EFHC2: variants seen among roughly 807,000 people sequenced by gnomAD.
The protein encoded by EFHC2 is EF-hand domain-containing family member C2.
In EFHC2, 18 loss-of-function variants were observed where a neutral mutation model predicts 52.7. The observed-to-expected ratio is 0.34, with a 90% CI of 0.24 to 0.51. The LOEUF is 0.51. EFHC2 is among the 20% of genes least tolerant of loss of function. The probability of loss-of-function intolerance (pLI) is 0.97; values close to 1 mark genes in which losing one functional copy is unlikely to be tolerated. For missense variants in EFHC2, 513 were observed against 562.5 expected (o/e 0.91, Z 0.89); for synonymous variants, 203 against 204.1 (o/e 0.99, Z 0.04).
intron 1 of EFHC2, among the ~76,000 whole-genome samples, chrX:44,321,214 C>G (rs762144991): frequency 9.0e-6 from 1 of 111,100 alleles, no homozygotes; most frequent in Non-Finnish European, 1.9e-5. Context: ...GCCTGAACAA[C>G]GAGAAGAATG....
intron 1 of EFHC2, among the ~76,000 whole-genome samples, chrX:44,328,668 G>C (rs1340586211): frequency 8.9e-6 from 1 of 111,974 alleles, no homozygotes; most frequent in Non-Finnish European, 1.9e-5. Context: ...ATTGATTGCA[G>C]AAAGTTTGCA....
intron 14 of EFHC2, among the ~76,000 whole-genome samples, chrX:44,163,707 A>G (rs922706537): frequency 8.9e-6 from 1 of 112,252 alleles, no homozygotes; most frequent in African/African-American, 3.2e-5. Flanking sequence ...AAAAAAATTC[A>G]GCTGCATAAG....
intron 2 of EFHC2, among the ~76,000 whole-genome samples, chrX:44,301,325 C>A (rs1158689568): frequency 7.3e-5 from 8 of 108,957 alleles, no homozygotes; most frequent in African/African-American, 2.3e-4. Flanking sequence ...CAACCCACTC[C>A]CCCCCCGACC....
chrX:44,148,794 GT>G lies in EFHC2; in HGVS notation c.2250del (p.Ter750TyrfsTer37). The stretch of plus-strand genomic sequence containing the variant: ...TAGAGAATTGACCAAAACTGGCATG[GT>G]TATTCCTCCTCTAAGCCAAACGCGT... ...LKDAFGLEEE[*>X] On this transcript the variant is annotated frameshift_variant and stop_lost, in exon 15 of 15. Transcript: ENST00000420999. LOFTEE classifies it high-confidence loss of function. The G allele has an allele frequency of 8.5e-7, 1 of 1,174,331 alleles. No homozygotes were observed. Among genetic ancestry groups the G allele is most frequent in the Admixed American group, 2.5e-5 (1 of 40,430 alleles).
intron 1 of EFHC2, among the ~76,000 whole-genome samples, chrX:44,319,405 G>T (rs945452086): frequency 9.0e-6 from 1 of 111,450 alleles, no homozygotes; most frequent in Non-Finnish European, 1.9e-5. Context: ...CAACCCTTGC[G>T]CTGTCTCTGC....
At chrX:44,280,646 T>G (rs1381875422) in intron 2 of EFHC2, among the ~76,000 whole-genome samples, 1 of 112,197 alleles carries the variant, frequency 8.9e-6, no homozygotes, top group Non-Finnish European at 1.9e-5. Flanking sequence ...AAGATTTCAG[T>G]ACAACCATAC....
intron 2 of EFHC2, among the ~76,000 whole-genome samples, chrX:44,291,581 A>C (rs1022606284): frequency 3.6e-5 from 4 of 112,158 alleles, no homozygotes; most frequent in Non-Finnish European, 7.5e-5. Flanking sequence ...ATGAAAATGG[A>C]AAGGGAAGTG....
intron 14 of EFHC2, among the ~76,000 whole-genome samples, chrX:44,154,642 T>G (rs1289834968): frequency 9.1e-6 from 1 of 110,117 alleles, no homozygotes; most frequent in Non-Finnish European, 1.9e-5. Context: ...GTTTCAAGGC[T>G]GCAGTGAGCC....
At chrX:44,292,041 A>T (rs897258382) in intron 2 of EFHC2, among the ~76,000 whole-genome samples, 2 of 111,954 alleles carry the variant, frequency 1.8e-5, no homozygotes, top group Non-Finnish European at 3.8e-5. Flanking sequence ...CACATTGCTA[A>T]TCATGGAGTT....
rs1004673776 is a variant in EFHC2 at position 44,328,931 on chromosome X, T to C, written c.42+14616A>G. On this transcript the variant is annotated intron_variant, in intron 1 of 14. Transcript: ENST00000420999. ...TAAAGGGGCTCTTGAGCCCCTATGC[T>C]CCGCCCGCTCCCGGACTGTGGAGTG... 3.6e-5 allele frequency among the ~76,000 whole-genome samples: 4 copies of C among 111,609 alleles called. No homozygotes were observed. In the Admixed American group the frequency reaches 3.8e-4, roughly 11 times the overall value.
intron 8 of EFHC2, among the ~76,000 whole-genome samples, chrX:44,236,280 C>T (rs2037319664): frequency 8.9e-6 from 1 of 111,858 alleles, no homozygotes; most frequent in South Asian, 3.7e-4. Flanking sequence ...AAGCTGATTG[C>T]CTGGTCACTG....
intron 2 of EFHC2, among the ~76,000 whole-genome samples, chrX:44,293,477 G>A (rs1193402448): frequency 9.0e-6 from 1 of 110,571 alleles, no homozygotes; most frequent in African/African-American, 3.3e-5. Context: ...AGCTATTATA[G>A]GTTGGTGCAA....
intron 1 of EFHC2, among the ~76,000 whole-genome samples, chrX:44,333,394 CA>C (rs1407676054): frequency 9.0e-6 from 1 of 110,691 alleles, no homozygotes; most frequent in Admixed American, 9.7e-5. Context: ...AGGGGACAAA[CA>C]AACTAATAAT....
chrX:44,333,303 G>C (rs12686918), intron 1 of EFHC2, among the ~76,000 whole-genome samples: 9 of 111,267 alleles, frequency 8.1e-5, no homozygotes, highest in East Asian at 2.9e-4. Flanking sequence ...TAATGAGGAG[G>C]GGGGATTAAA....
intron 11 of EFHC2, among the ~76,000 whole-genome samples, chrX:44,209,734 G>A (rs1266162101): frequency 9.2e-6 from 1 of 108,928 alleles, no homozygotes; most frequent in Non-Finnish European, 1.9e-5. Context: ...ATGAGCAGTG[G>A]GTGGGCAAGA....
At chrX:44,181,131 T>C (rs772093052) in intron 11 of EFHC2, among the ~76,000 whole-genome samples, 1 of 111,034 alleles carries the variant, frequency 9.0e-6, no homozygotes, top group Non-Finnish European at 1.9e-5. Context: ...TGATATTTAT[T>C]GGTAGGATAG....
At chrX:44,254,261 G>A (rs919518941) in intron 4 of EFHC2, among the ~76,000 whole-genome samples, 2 of 112,014 alleles carry the variant, frequency 1.8e-5, no homozygotes, top group Admixed American at 1.9e-4. Context: ...AAAACTGGAC[G>A]GAGAATGAGT....
chrX:44,301,484 G>T (rs1449955458), intron 2 of EFHC2, among the ~76,000 whole-genome samples: 1 of 112,021 alleles, frequency 8.9e-6, no homozygotes, highest in Non-Finnish European at 1.9e-5. Flanking sequence ...CTCTGTCTAG[G>T]CAGCAGGCAT....
chrX:44,231,598 C>G (rs2037277891), intron 10 of EFHC2, among the ~76,000 whole-genome samples: 1 of 109,636 alleles, frequency 9.1e-6, no homozygotes, highest in African/African-American at 3.3e-5. Context: ...CTCATTCTGT[C>G]TTGGCGTCTG....
Sources: gnomAD v4.1 joint callset for allele counts (sites outside exome capture counted in the v4.1 genomes callset) on GRCh38, gnomAD v4.1.1 for gene constraint, MANE v1.5 for transcripts, NCBI Gene and HGNC (gene_info 2026-07-23, HGNC 2026-07-21) for gene names.